WDHD1: variants seen among roughly 807,000 people sequenced by gnomAD.
WDHD1 encodes WD repeat and HMG-box DNA-binding protein 1.
In WDHD1, 111 loss-of-function variants were observed where a neutral mutation model predicts 135.4. The observed-to-expected ratio is 0.82, with a 90% CI of 0.70 to 0.96. The LOEUF (loss-of-function observed/expected upper bound fraction) is 0.96, where lower values mean the gene tolerates loss of function less well. Among genes scored for constraint, WDHD1 ranks in the 40% least tolerant of loss-of-function variants. The pLI, the probability that WDHD1 is intolerant of heterozygous loss-of-function variation, is 0.00. For synonymous variants in WDHD1, 434 were observed against 439.0 expected (o/e 0.99, Z 0.14); for missense variants, 1,351 against 1,336.3 (o/e 1.01, Z -0.17).
At chr14:55,023,221 G>A (rs1489775524) in intron 2 of WDHD1, among the ~76,000 whole-genome samples, 2 of 152,152 alleles carry the variant, frequency 1.3e-5, no homozygotes, top group African/African-American at 4.8e-5. Context: ...ACTTTAAGTT[G>A]TCAGATAATG....
intron 5 of WDHD1, 59 bp downstream of exon 5, chr14:55,008,549 G>T: frequency 6.7e-7 from 1 of 1,497,450 alleles, no homozygotes; most frequent in Non-Finnish European, 9.1e-7. Context: ...GAGTTAGTAG[G>T]AAATATATTT....
chr14:54,945,691 C>G (rs938020497), intron 24 of WDHD1, among the ~76,000 whole-genome samples: 1 of 152,142 alleles, frequency 6.6e-6, no homozygotes, highest in Admixed American at 6.5e-5. Flanking sequence ...CAGGTACGCG[C>G]CACCACACCC....
At chr14:54,980,806 A>T (rs1177777343) in intron 16 of WDHD1, among the ~76,000 whole-genome samples, 5 of 147,494 alleles carry the variant, frequency 3.4e-5, no homozygotes, top group Non-Finnish European at 6.0e-5. Flanking sequence ...TCCACATAAA[A>T]AAAAAAAAAA....
chr14:54,997,532 T>C (rs2041902846), intron 10 of WDHD1, among the ~76,000 whole-genome samples: 1 of 152,140 alleles, frequency 6.6e-6, no homozygotes, highest in African/African-American at 2.4e-5. Context: ...CTAAGTGCTA[T>C]AAGAAGATAT....
intron 22 of WDHD1, 88 bp from the exon 23 acceptor site, chr14:54,957,292 A>G: frequency 1.4e-6 from 2 of 1,398,856 alleles, no homozygotes; most frequent in East Asian, 4.7e-5. Flanking sequence ...ATTTCTGTTA[A>G]GTTTGTATTG....
chr14:54,967,277 T>C lies in WDHD1; in HGVS notation c.2178+3A>G. 6.2e-7 allele frequency: 1 copy of C among 1,604,988 alleles called. No homozygotes were observed. Among genetic ancestry groups the C allele is most frequent in the Non-Finnish European group, 8.5e-7 (1 of 1,173,474 alleles). ...AAAGTGTCAAGGTAAGACTTCCACA[T>C]ACCTCCATTTGTCCTTTCTCTGTTG... On this transcript the variant is annotated splice_donor_region_variant and intron_variant, in intron 17 of 25. Coordinates refer to ENST00000360586, the MANE Select transcript of WDHD1 (RefSeq NM_007086.4).
At chr14:55,013,118 C>T (rs28414866) in intron 3 of WDHD1, among the ~76,000 whole-genome samples, 6,548 of 144,260 alleles carry the variant, frequency 0.045, 537 homozygotes, top group African/African-American at 0.16. Flanking sequence ...CCTAGCTGCC[C>T]GGGAGGCTGA....
chr14:54,967,090 C>A (rs777979268), intron 17 of WDHD1, among the ~76,000 whole-genome samples, 190 bp downstream of exon 17: 1 of 152,182 alleles, frequency 6.6e-6, no homozygotes, highest in Non-Finnish European at 1.5e-5. Flanking sequence ...TAGACAAAGT[C>A]CCTGGAAGCA....
chr14:55,016,702 G>C (rs962253333), intron 2 of WDHD1, among the ~76,000 whole-genome samples: 19 of 152,320 alleles, frequency 1.2e-4, no homozygotes, highest in African/African-American at 4.3e-4. Context: ...ACTTTTTAAC[G>C]AAGTTAACCT....
At position 55,003,587 on chromosome 14, in the gene WDHD1, C is replaced by CTACATATATATATATATATA. The variant is rs1555371406; in HGVS notation, c.601-1403_601-1402insTATATATATATATATATGTA. Among the ~76,000 whole-genome samples the CTACATATATATATATATATA allele has an allele frequency of 3.0e-3, 428 of 143,744 alleles. 15 individuals are homozygous for CTACATATATATATATATATA. Among genetic ancestry groups the CTACATATATATATATATATA allele is most frequent in the African/African-American group, 0.012 (404 of 34,334 alleles). 94.3% of individuals were successfully genotyped at this position (143,744 alleles called of 152,430 possible). On this transcript the variant is annotated intron_variant, in intron 7 of 25. Transcript: ENST00000360586. ...TGTATAAAAAAGAAAGAAAAACGAA[C>CTACATATATATATATATATA]TATATATATATAGTTGCCCAGGCTG...
intron 16 of WDHD1, 56 bp from the exon 17 acceptor site, chr14:54,967,450 C>A: frequency 7.4e-7 from 1 of 1,349,726 alleles, no homozygotes; most frequent in Non-Finnish European, 1.0e-6. Context: ...ATAAAAACTA[C>A]AAAATTTAAA....
chr14:54,955,774 A>C (rs2041144766), intron 23 of WDHD1, 80 bp from the exon 24 acceptor site: 24 of 1,194,760 alleles, frequency 2.0e-5, no homozygotes, highest in Non-Finnish European at 2.5e-5. Flanking sequence ...AAAAATGTGA[A>C]GAAACATCTA....
At chr14:54,981,853 T>C (rs1320251363) in intron 15 of WDHD1, among the ~76,000 whole-genome samples, 157 bp from the exon 16 acceptor site, 5 of 152,018 alleles carry the variant, frequency 3.3e-5, no homozygotes, top group Admixed American at 1.3e-4. Flanking sequence ...TAAAATTTCA[T>C]TAACCATATA....
intron 16 of WDHD1, among the ~76,000 whole-genome samples, chr14:54,970,534 C>T (rs575023870): frequency 4.9e-4 from 75 of 151,626 alleles, no homozygotes; most frequent in African/African-American, 1.7e-3. Context: ...GAAACACATT[C>T]CACACTCATG....
chr14:54,998,375 C>T (rs758855892), intron 10 of WDHD1, among the ~76,000 whole-genome samples: 4 of 152,060 alleles, frequency 2.6e-5, no homozygotes, highest in African/African-American at 7.2e-5. Context: ...GGTGATCCAC[C>T]GGCCTCGGCC....
chr14:54,982,299 G>A (rs924145442), intron 15 of WDHD1, among the ~76,000 whole-genome samples: 8 of 152,148 alleles, frequency 5.3e-5, no homozygotes, highest in East Asian at 1.9e-4. Flanking sequence ...GTGAGCCACC[G>A]CGCCCGGCCG....
intron 24 of WDHD1, among the ~76,000 whole-genome samples, chr14:54,947,246 G>A (rs2040942569): frequency 6.6e-6 from 1 of 152,264 alleles, no homozygotes; most frequent in South Asian, 2.1e-4. Context: ...GGCTGAGACA[G>A]GAGAATCACT....
rs766975944 is a variant in WDHD1, at chr14:54,966,445, TAAC to T, written c.2310+27_2310+29del. 4.4e-6 allele frequency: 7 copies of T among 1,580,662 alleles called. No homozygotes were observed. In the African/African-American group the frequency reaches 8.2e-5, roughly 19 times the overall value. ...CAACCTATAGAAAAGCATTTAACTTTAACGTTTTCAGTATATTTATTTTACTCA... is the reference window on the plus strand; with the variant it reads ...CAACCTATAGAAAAGCATTTAACTTTGTTTTCAGTATATTTATTTTACTCA... On this transcript the variant is annotated intron_variant, in intron 18 of 25. Transcript: ENST00000360586.
At chr14:54,973,596 T>A (rs536874631) in intron 16 of WDHD1, among the ~76,000 whole-genome samples, 2 of 152,372 alleles carry the variant, frequency 1.3e-5, no homozygotes, top group African/African-American at 4.8e-5. Flanking sequence ...CTTGTGGCAA[T>A]TCTGTCATAA....
Sources: gnomAD v4.1 joint callset for allele counts (sites outside exome capture counted in the v4.1 genomes callset) on GRCh38, gnomAD v4.1.1 for gene constraint, MANE v1.5 for transcripts, NCBI Gene and HGNC (gene_info 2026-07-23, HGNC 2026-07-21) for gene names.